ALMS1: variants seen among roughly 807,000 people sequenced by gnomAD.
The protein encoded by ALMS1 is centrosome-associated protein ALMS1.
A neutral mutation model predicts 352.2 loss-of-function variants in ALMS1; 271 were observed. That is an observed-to-expected ratio of 0.77 (90% confidence interval 0.70 to 0.85). The LOEUF is 0.85. Among genes scored for constraint, ALMS1 ranks in the 40% least tolerant of loss-of-function variants. The pLI, the probability that ALMS1 is intolerant of heterozygous loss-of-function variation, is 0.00. For missense variants in ALMS1, 5,445 were observed against 4,870.7 expected, an observed-to-expected ratio of 1.12 and a Z score of -3.51; for synonymous variants, 1,865 against 1,761.2, an observed-to-expected ratio of 1.06 and a Z score of -1.48.
intron 1 of ALMS1, among the ~76,000 whole-genome samples, chr2:73,397,461 G>T (rs562741696): frequency 8.8e-4 from 133 of 151,706 alleles, no homozygotes; most frequent in African/African-American, 3.0e-3. Context: ...CTGTTTTGGG[G>T]TTTTTTTGTT....
intron 16 of ALMS1, among the ~76,000 whole-genome samples, chr2:73,587,775 G>C (rs1675342297): frequency 6.6e-6 from 1 of 152,082 alleles, no homozygotes; most frequent in Non-Finnish European, 1.5e-5. Context: ...CCATTAGTGA[G>C]ATTAACCAAG....
chr2:73,397,163 C>G (rs934739779), intron 1 of ALMS1, among the ~76,000 whole-genome samples: 2 of 152,116 alleles, frequency 1.3e-5, no homozygotes, highest in Non-Finnish European at 2.9e-5. Context: ...GCTTTTAATT[C>G]TCAAAGTTGT....
intron 11 of ALMS1, among the ~76,000 whole-genome samples, chr2:73,530,439 G>A (rs1384465304): frequency 1.3e-5 from 2 of 152,308 alleles, no homozygotes; most frequent in Non-Finnish European, 2.9e-5. Context: ...TGATGCAAGG[G>A]GTTGGCTCCC....
At chr2:73,463,101 G>A (rs1451669352) in intron 9 of ALMS1, among the ~76,000 whole-genome samples, 3 of 152,160 alleles carry the variant, frequency 2.0e-5, no homozygotes, top group Non-Finnish European at 4.4e-5. Flanking sequence ...TCTGCACCAA[G>A]CAGACCTAAT....
intron 13 of ALMS1, among the ~76,000 whole-genome samples, chr2:73,555,662 T>C (rs749288764): frequency 3.9e-5 from 6 of 152,062 alleles, no homozygotes; most frequent in Non-Finnish European, 8.8e-5. Flanking sequence ...TTAAAAGACA[T>C]GAAACAGCCT....
At position 73,448,536 on chromosome 2, in the gene ALMS1, C is replaced by G; in HGVS notation, c.2009C>G (p.Ser670Ter). The change falls in exon 8 of 23, where the codon TCA (serine) becomes TGA (stop). Residue 670 changes from serine (S) to a stop codon, truncating the protein, a stop_gained. Coordinates refer to ENST00000613296, the MANE Select transcript of ALMS1 (RefSeq NM_001378454.1). LOFTEE classifies it high-confidence loss of function. ...GIPTVSSTSH[S>*]HVEDLLFFYR... ...CCTACAGTATCCTCTACATCCCACT[C>G]ACATGTAGAGGACCTCCTCTTTTTC... 3.1e-6 allele frequency: 5 copies of G among 1,613,914 alleles called. No individual in the cohort carries two copies. The highest frequency in any genetic ancestry group is 3.4e-6 in the Non-Finnish European group (4 of 1,179,884).
chr2:73,439,031 CTTT>C (rs1345234199), intron 7 of ALMS1, among the ~76,000 whole-genome samples: 1 of 148,576 alleles, frequency 6.7e-6, no homozygotes, highest in Non-Finnish European at 1.5e-5. Context: ...TTTTTTTCTT[CTTT>C]TTTCTTCTTC....
At chr2:73,401,255 A>G (rs1414440135) in intron 1 of ALMS1, among the ~76,000 whole-genome samples, 1 of 150,988 alleles carries the variant, frequency 6.6e-6, no homozygotes, top group Non-Finnish European at 1.5e-5. Flanking sequence ...CTTTTTATTT[A>G]TTTTCTTCTC....
chr2:73,477,332 C>T (rs1349145336), intron 9 of ALMS1, among the ~76,000 whole-genome samples: 2 of 152,030 alleles, frequency 1.3e-5, no homozygotes. Context: ...CGGTTCTATG[C>T]CATTGATCTA....
intron 1 of ALMS1, among the ~76,000 whole-genome samples, chr2:73,395,317 G>A (rs1040271463): frequency 2.6e-5 from 4 of 151,564 alleles, no homozygotes; most frequent in Non-Finnish European, 5.9e-5. Context: ...TGACTCAAGT[G>A]ATCTGCCCAC....
intron 2 of ALMS1, among the ~76,000 whole-genome samples, chr2:73,413,210 C>T (rs191549704): frequency 3.9e-5 from 6 of 152,196 alleles, no homozygotes; most frequent in African/African-American, 1.4e-4. Context: ...TTCTTCATAG[C>T]TCTAGATGCA....
At chr2:73,532,242 T>C (rs963224255) in intron 11 of ALMS1, among the ~76,000 whole-genome samples, 1 of 152,166 alleles carries the variant, frequency 6.6e-6, no homozygotes, top group Non-Finnish European at 1.5e-5. Flanking sequence ...AACCACTTGC[T>C]GGATACTGCC....
Position 73,491,318 on chromosome 2 carries a change from A to G in ALMS1, c.9359A>G (p.Lys3120Arg). ...GAATCTTTAGGTTTTCTAGGACCTA[A>G]ATCTTCACTGGATTTCCAAGTCGTA... ...DQESLGFLGP[K>R]SSLDFQVVQP... The change falls in exon 10 of 23, where the codon AAA becomes AGA. Residue 3120 changes from lysine (K) to arginine (R), a missense_variant. Transcript: ENST00000613296. 6.2e-7 allele frequency: 1 copy of G among 1,614,176 alleles called. No homozygotes were observed. Among genetic ancestry groups the G allele is most frequent in the Non-Finnish European group, 8.5e-7 (1 of 1,180,020 alleles).
At chr2:73,508,075 A>AAATAACCT (rs1673369674) in intron 10 of ALMS1, among the ~76,000 whole-genome samples, 1 of 151,688 alleles carries the variant, frequency 6.6e-6, no homozygotes, top group African/African-American at 2.4e-5. Context: ...GTTTCCATGT[A>AAATAACCT]GTTGTGCGGT....
At chr2:73,466,816 G>T (rs576536598) in intron 9 of ALMS1, among the ~76,000 whole-genome samples, 15 of 152,170 alleles carry the variant, frequency 9.9e-5, no homozygotes, top group African/African-American at 3.6e-4. Flanking sequence ...TCATGACTGA[G>T]ATGAAATGTT....
At chr2:73,544,763 A>G (rs1201176581) in intron 12 of ALMS1, among the ~76,000 whole-genome samples, 1 of 152,234 alleles carries the variant, frequency 6.6e-6, no homozygotes, top group Non-Finnish European at 1.5e-5. Flanking sequence ...ACCCATGTTC[A>G]TAACAGCATT....
chr2:73,399,270 A>T (rs1372775352), intron 1 of ALMS1, among the ~76,000 whole-genome samples: 1 of 152,088 alleles, frequency 6.6e-6, no homozygotes, highest in Non-Finnish European at 1.5e-5. Flanking sequence ...ATGACCTCCA[A>T]TACACTGTTG....
At chr2:73,551,799 G>C (rs1238884162) in intron 13 of ALMS1, among the ~76,000 whole-genome samples, 1 of 152,022 alleles carries the variant, frequency 6.6e-6, no homozygotes, top group Non-Finnish European at 1.5e-5. Context: ...GTAGCTGATA[G>C]ATGATAATAT....
At chr2:73,489,612 C>G in intron 9 of ALMS1, 22 bp from the exon 10 acceptor site, 2 of 1,613,764 alleles carry the variant, frequency 1.2e-6, no homozygotes, top group Non-Finnish European at 1.7e-6. Context: ...CAAATAAGAA[C>G]CTGTTTGTTT....
Sources: gnomAD v4.1 joint callset for allele counts (sites outside exome capture counted in the v4.1 genomes callset) on GRCh38, gnomAD v4.1.1 for gene constraint, MANE v1.5 for transcripts, NCBI Gene and HGNC (gene_info 2026-07-23, HGNC 2026-07-21) for gene names.